Variants in SPEF2 observed in about 807,000 individuals in gnomAD.
SPEF2 encodes the protein sperm flagellar and cilia associated 2.
A neutral mutation model predicts 224.6 loss-of-function variants in SPEF2; 187 were observed. The observed-to-expected ratio is 0.83, with a 90% CI of 0.74 to 0.94. The LOEUF is 0.94. Ranked by LOEUF, SPEF2 falls within the 40% of genes least tolerant of loss-of-function variation. The pLI is 0.00. For missense variants in SPEF2, 2,170 were observed against 2,135.6 expected (o/e 1.02, Z -0.32); for synonymous variants, 715 against 707.3 (o/e 1.01, Z -0.17).
intron 33 of SPEF2, among the ~76,000 whole-genome samples, chr5:35,799,283 G>C (rs895563381): frequency 1.3e-5 from 2 of 152,210 alleles, no homozygotes; most frequent in Non-Finnish European, 2.9e-5. Context: ...GTGTTCCAGG[G>C]CTTGGGCCTC....
intron 10 of SPEF2, chr5:35,671,566 A>G: frequency 1.0e-6 from 1 of 959,532 alleles, no homozygotes; most frequent in Non-Finnish European, 1.2e-6. Flanking sequence ...AAGTCATTTT[A>G]TTTGACAGAC....
chr5:35,704,105 G>T (rs1739256390), intron 16 of SPEF2, among the ~76,000 whole-genome samples: 1 of 151,856 alleles, frequency 6.6e-6, no homozygotes, highest in Non-Finnish European at 1.5e-5. Context: ...TATTCTACAG[G>T]GAGATCATAA....
At chr5:35,687,523 AT>A (rs886086235) in intron 10 of SPEF2, among the ~76,000 whole-genome samples, 90 of 151,676 alleles carry the variant, frequency 5.9e-4, no homozygotes, top group Non-Finnish European at 1.2e-3. Flanking sequence ...AGTGGCACAA[AT>A]TTTTGGATTT....
chr5:35,777,551 T>A (rs939102662), intron 29 of SPEF2, among the ~76,000 whole-genome samples: 2 of 152,132 alleles, frequency 1.3e-5, no homozygotes, highest in African/African-American at 2.4e-5. Context: ...AAATGCATAT[T>A]TTAGCAGATG....
chr5:35,700,490 A>C lies in SPEF2; in HGVS notation c.2142-6A>C. Reference sequence around the variant, plus strand: ...AATATTCATGAGTTGTCCTGTTTCAATTTAGTGAGATACCTGTGAATCAAG... The same window carrying C: ...AATATTCATGAGTTGTCCTGTTTCACTTTAGTGAGATACCTGTGAATCAAG... On this transcript the variant is annotated splice_region_variant and splice_polypyrimidine_tract_variant and intron_variant, in intron 15 of 36. Coordinates refer to ENST00000356031, the MANE Select transcript of SPEF2 (RefSeq NM_024867.4). 1 of 1,606,476 alleles carries C rather than the reference A, an allele frequency of 6.2e-7. No individual in the cohort carries two copies. Among genetic ancestry groups the C allele is most frequent in the Non-Finnish European group, 8.5e-7 (1 of 1,176,192 alleles).
intron 21 of SPEF2, among the ~76,000 whole-genome samples, chr5:35,738,328 A>C (rs994924179): frequency 2.0e-5 from 3 of 151,788 alleles, no homozygotes; most frequent in African/African-American, 7.3e-5. Context: ...GTTTTCTTCT[A>C]GGGTTTTTAT....
intron 34 of SPEF2, among the ~76,000 whole-genome samples, chr5:35,801,466 T>C (rs1038302384): frequency 6.6e-6 from 1 of 151,276 alleles, no homozygotes; most frequent in African/African-American, 2.4e-5. Context: ...TGAGCCAAGA[T>C]CGCACCACTG....
chr5:35,692,591 C>T lies in SPEF2; in HGVS notation c.1766C>T (p.Ser589Phe). The T allele has an allele frequency of 6.2e-7, 1 of 1,611,914 alleles. No individual in the cohort carries two copies. Among genetic ancestry groups the T allele is most frequent in the Non-Finnish European group, 8.5e-7 (1 of 1,178,852 alleles). The stretch of plus-strand genomic sequence containing the variant: ...TTAGACTTTCCTATACAGATACTTT[C>T]TATTGACACTCTTGTCCAAGAAGCT... Reference protein sequence around the residue: ...LQKDFPIQILSIDTLVQEAIQ... With the variant: ...LQKDFPIQILFIDTLVQEAIQ... Residue 589 changes from serine (S) to phenylalanine (F), a missense_variant, in exon 12 of 37, where the codon TCT becomes TTT. Transcript: ENST00000356031.
chr5:35,716,430 ATG>A (rs1350788384), intron 20 of SPEF2, among the ~76,000 whole-genome samples: 1 of 152,078 alleles, frequency 6.6e-6, no homozygotes, highest in East Asian at 1.9e-4. Flanking sequence ...TTAAAAAGAC[ATG>A]TATATTAGGT....
intron 9 of SPEF2, among the ~76,000 whole-genome samples, chr5:35,667,995 T>TA (rs1561164893): frequency 1.6e-4 from 24 of 151,946 alleles, no homozygotes; most frequent in African/African-American, 5.6e-4. Flanking sequence ...GTTAAAATTT[T>TA]TAAAAAAATG....
intron 23 of SPEF2, among the ~76,000 whole-genome samples, chr5:35,741,204 A>C (rs1209454791): frequency 1.3e-5 from 2 of 152,224 alleles, no homozygotes; most frequent in African/African-American, 2.4e-5. Flanking sequence ...CCTTAGTCAT[A>C]AGAGCTATGT....
rs150523436 is a variant in SPEF2 at position 35,750,983 on chromosome 5, C to CTATA, written c.3331-2631_3331-2628dup. On this transcript the variant is annotated intron_variant, in intron 23 of 36. Coordinates refer to ENST00000356031, the MANE Select transcript of SPEF2 (RefSeq NM_024867.4). ...TCAGTGAGTGGATAAAGAAACTGTG[C>CTATA]TATATATATATATGTATATATATAT... is the stretch of plus-strand genomic sequence containing the variant. 1.7e-3 allele frequency among the ~76,000 whole-genome samples: 128 copies of CTATA among 73,906 alleles called. 1 individual carries two copies. Among genetic ancestry groups the CTATA allele is most frequent in the African/African-American group, 4.9e-3 (106 of 21,620 alleles). The allele number at this position is 73,906 out of a possible 152,430, so 48.5% of individuals were successfully genotyped here.
chr5:35,730,950 A>G (rs7709468), intron 21 of SPEF2, among the ~76,000 whole-genome samples: 7,576 of 152,254 alleles, frequency 0.05, 527 homozygotes, highest in African/African-American at 0.16. Context: ...GAAGAGCAGT[A>G]GGCGGGGGAT....
intron 8 of SPEF2, 111 bp downstream of exon 8, chr5:35,659,318 T>C: frequency 9.1e-7 from 1 of 1,100,084 alleles, no homozygotes; most frequent in Non-Finnish European, 1.3e-6. Context: ...AGATTTTCTT[T>C]TGTATGATCA....
chr5:35,709,374 A>G, intron 19 of SPEF2: 1 of 1,250,662 alleles, frequency 8.0e-7, no homozygotes, highest in Non-Finnish European at 1.0e-6. Flanking sequence ...GAGTAAGACC[A>G]CAGACGAGAA....
intron 21 of SPEF2, among the ~76,000 whole-genome samples, chr5:35,737,463 G>A (rs1746818374): frequency 6.7e-6 from 1 of 149,200 alleles, no homozygotes; most frequent in Admixed American, 6.8e-5. Flanking sequence ...AACACGCAGT[G>A]GTTGGTTTTT....
intron 25 of SPEF2, 129 bp downstream of exon 25, chr5:35,759,848 C>A (rs1750978924): frequency 2.2e-6 from 2 of 913,254 alleles, no homozygotes; most frequent in Non-Finnish European, 3.0e-6. Context: ...GCTCTAATAA[C>A]CAAACATGTT....
In SPEF2 at chr5:35,797,616, T is replaced by C. The variant is rs117137998; in HGVS notation, c.4830+1821T>C. Among the ~76,000 whole-genome samples the C allele has an allele frequency of 3.3e-5, 5 of 152,264 alleles. No homozygotes were observed. In the South Asian group the frequency reaches 6.2e-4, roughly 19 times the overall value. Reference sequence around the variant, plus strand: ...GTGTGTGGTACTCTTGGAACAGCGATTGGCACATAATAAGTCCTATGTGTC... The same window carrying C: ...GTGTGTGGTACTCTTGGAACAGCGACTGGCACATAATAAGTCCTATGTGTC... On this transcript the variant is annotated intron_variant, in intron 33 of 36. Coordinates refer to ENST00000356031, the MANE Select transcript of SPEF2 (RefSeq NM_024867.4).
In SPEF2 at chr5:35,712,896, A is replaced by G; in HGVS notation, c.2914+10A>G. On this transcript the variant is annotated intron_variant, in intron 20 of 36. Coordinates refer to ENST00000356031, the MANE Select transcript of SPEF2 (RefSeq NM_024867.4). ...GCACTCAAAAGAAAAGGTACAGCAG[A>G]TAAAAATATATATAATTACATGTAA... is the stretch of plus-strand genomic sequence containing the variant. 3 of 1,607,404 alleles carry G rather than the reference A, an allele frequency of 1.9e-6. No individual in the cohort carries two copies. The highest frequency in any genetic ancestry group is 2.6e-6 in the Non-Finnish European group (3 of 1,175,714).
Sources: gnomAD v4.1 joint callset for allele counts (sites outside exome capture counted in the v4.1 genomes callset) on GRCh38, gnomAD v4.1.1 for gene constraint, MANE v1.5 for transcripts, NCBI Gene and HGNC (gene_info 2026-07-23, HGNC 2026-07-21) for gene names.